Variants in TEX52 observed in about 807,000 individuals in gnomAD.
TEX52 encodes testis-expressed protein 52.
A neutral mutation model predicts 17.6 loss-of-function variants in TEX52; 22 were observed. That is an observed-to-expected ratio of 1.25 (90% CI 0.89 to 1.78). The LOEUF (loss-of-function observed/expected upper bound fraction) is 1.78. TEX52 is among the 40% of genes most tolerant of loss of function. The pLI is 0.00. For synonymous variants in TEX52, 168 were observed against 147.4 expected (o/e 1.14, Z -1.01); for missense variants, 396 against 372.3 (o/e 1.06, Z -0.52).
downstream of TEX52, chr12:2,849,013 A>G: frequency 1.8e-6 from 1 of 567,700 alleles, no homozygotes; most frequent in Non-Finnish European, 3.0e-6. Context: ...CTTCGATGAG[A>G]GTCCTCCAAG....
chr12:2,855,254 C>T lies in TEX52; in HGVS notation c.265G>A (p.Ala89Thr), dbSNP rs776419015. 21 of 1,508,846 alleles carry T rather than the reference C, an allele frequency of 1.4e-5. No homozygotes were observed. The South Asian group carries it at 1.7e-4, about 12-fold the overall frequency. The allele number at this position is 1,508,846 out of a possible 1,614,324, so 93.5% of individuals were successfully genotyped here. ...QRLIHPWKGG[A>T]QHTWGFHTWL... ...GTGTGAAAGCCCCAGGTGTGCTGGG[C>T]GCCACCCTTCCAAGGGTGGATGAGC... Residue 89 changes from alanine (A) to threonine (T), a missense_variant, in exon 2 of 3, where the codon GCC becomes ACC. Ala to Thr is a moderately conservative substitution (Grantham distance 58). Transcript: ENST00000637658.
chr12:2,848,469 T>C (rs115129967), downstream of TEX52, among the ~76,000 whole-genome samples: 670 of 152,358 alleles, frequency 4.4e-3, 8 homozygotes, highest in African/African-American at 0.014. Flanking sequence ...GACTGCTCTT[T>C]TGGCATAAGT....
Position 2,857,008 on chromosome 12 carries a change from T to G in TEX52, c.19A>C (p.Arg7=), listed in dbSNP as rs761232358. 1 of 703,008 alleles carries G rather than the reference T, an allele frequency of 1.4e-6. No homozygotes were observed. The highest frequency in any genetic ancestry group is 1.5e-5 in the South Asian group (1 of 67,600). 43.5% of individuals were successfully genotyped at this position (703,008 alleles called of 1,614,324 possible). Residue 7 remains arginine, a synonymous_variant, in exon 1 of 3, where the codon AGA becomes CGA. Transcript: ENST00000637658. MASNRQ[R]SLRGPSHPSH... ...GGGTGACTGGGCCCTCTGAGTGATC[T>G]TTGCCGGTTACTGGCCATTCTTCTG...
At chr12:2,854,007 G>A (rs754055660) in intron 2 of TEX52, among the ~76,000 whole-genome samples, 1 of 152,208 alleles carries the variant, frequency 6.6e-6, no homozygotes, top group Non-Finnish European at 1.5e-5. Context: ...TTTCTGTAAC[G>A]ACATCTAACT....
intron 2 of TEX52, among the ~76,000 whole-genome samples, chr12:2,849,769 C>T (rs1356908557): frequency 6.6e-6 from 1 of 152,178 alleles, no homozygotes; most frequent in African/African-American, 2.4e-5. Context: ...AGCCTTCCAT[C>T]CTTTTGACAT....
chr12:2,856,761 T>C (rs1171444968), intron 1 of TEX52, among the ~76,000 whole-genome samples, 194 bp downstream of exon 1: 1 of 152,184 alleles, frequency 6.6e-6, no homozygotes, highest in Non-Finnish European at 1.5e-5. Flanking sequence ...CTGGGAGATG[T>C]GGCACTAGCC....
chr12:2,856,815 A>G (rs2098088818), intron 1 of TEX52, 140 bp downstream of exon 1: 1 of 635,914 alleles, frequency 1.6e-6, no homozygotes, highest in African/African-American at 1.8e-5. Flanking sequence ...CTAGTGTCAT[A>G]GGATGAAAAG....
intron 2 of TEX52, among the ~76,000 whole-genome samples, chr12:2,850,078 C>T (rs1404542856): frequency 6.6e-6 from 1 of 152,158 alleles, no homozygotes; most frequent in Non-Finnish European, 1.5e-5. Flanking sequence ...CCTGGCTGCA[C>T]ATTACAATCA....
intron 2 of TEX52, among the ~76,000 whole-genome samples, chr12:2,853,083 G>C (rs961842230): frequency 6.6e-6 from 1 of 152,074 alleles, no homozygotes; most frequent in Non-Finnish European, 1.5e-5. Context: ...ATACAGAGAA[G>C]TGTTTGGCAG....
chr12:2,849,955 T>C (rs969081449), intron 2 of TEX52, among the ~76,000 whole-genome samples: 3 of 152,206 alleles, frequency 2.0e-5, no homozygotes, highest in African/African-American at 7.2e-5. Context: ...CAGACTTTTG[T>C]TTCTTTTAAC....
chr12:2,856,817 G>A, intron 1 of TEX52, 138 bp downstream of exon 1: 2 of 639,740 alleles, frequency 3.1e-6, no homozygotes, highest in East Asian at 5.4e-5. Context: ...AGTGTCATAG[G>A]ATGAAAAGGG....
rs976016962 is a variant in TEX52 at position 2,849,162 on chromosome 12, A to G, written c.*69T>C. The G allele has an allele frequency of 9.0e-6, 13 of 1,442,370 alleles. No homozygotes were observed. Among genetic ancestry groups the G allele is most frequent in the African/African-American group, 5.7e-5 (4 of 70,064 alleles). The allele number at this position is 1,442,370 out of a possible 1,614,324, so 89.3% of individuals were successfully genotyped here. A position where few individuals can be genotyped will look rare whatever the true frequency, so the allele number is the denominator to read the frequency against. The stretch of plus-strand genomic sequence containing the variant: ...TTGCTACCCCAGGGCCTCTTGCTGA[A>G]GGAGCATTGATTGAGAACACTGGAG... On this transcript the variant is annotated 3_prime_UTR_variant, in exon 3 of 3. Coordinates refer to ENST00000637658, the MANE Select transcript of TEX52 (RefSeq NM_001365174.2).
intron 2 of TEX52, among the ~76,000 whole-genome samples, chr12:2,852,258 C>G (rs1160201417): frequency 1.3e-5 from 2 of 152,194 alleles, no homozygotes; most frequent in African/African-American, 4.8e-5. Context: ...ATCCTACTGT[C>G]ATGGAGATAC....
chr12:2,849,590 A>G, intron 2 of TEX52, 65 bp from the exon 3 acceptor site: 2 of 1,515,806 alleles, frequency 1.3e-6, no homozygotes, highest in Middle Eastern at 3.9e-4. Flanking sequence ...CAGTGGAGAG[A>G]CGGGGAAGGG....
chr12:2,856,435 G>A (rs1198530762), intron 1 of TEX52, among the ~76,000 whole-genome samples: 6 of 152,102 alleles, frequency 3.9e-5, no homozygotes, highest in African/African-American at 7.2e-5. Flanking sequence ...GTGCAATCTC[G>A]GCTCACTGCA....
downstream of TEX52, among the ~76,000 whole-genome samples, chr12:2,848,877 G>GCACACACACACA (rs3056877): frequency 1.3e-3 from 186 of 140,370 alleles, no homozygotes; most frequent in African/African-American, 2.0e-3. Flanking sequence ...ACACACACAC[G>GCACACACACACA]CACACACACA....
At chr12:2,848,197 AAAG>A (rs959634871), downstream of TEX52, among the ~76,000 whole-genome samples, 3 of 152,190 alleles carry the variant, frequency 2.0e-5, no homozygotes, top group African/African-American at 7.2e-5. Flanking sequence ...AAATGGAGAC[AAAG>A]AAGGCCGTGG....
downstream of TEX52, among the ~76,000 whole-genome samples, chr12:2,848,399 A>G (rs1052424956): frequency 2.6e-5 from 4 of 152,088 alleles, no homozygotes; most frequent in Non-Finnish European, 5.9e-5. Context: ...GCCTGCCTCT[A>G]CTTTACCCCT....
chr12:2,850,628 C>G (rs1038087695), intron 2 of TEX52, among the ~76,000 whole-genome samples: 1 of 152,014 alleles, frequency 6.6e-6, no homozygotes. Context: ...CTTCAGTGTG[C>G]TCACTGACTG....
Sources: allele counts gnomAD v4.1 joint callset (sites outside exome capture counted in the v4.1 genomes callset), GRCh38; gene constraint gnomAD v4.1.1; transcripts MANE v1.5; gene names NCBI Gene and HGNC (gene_info 2026-07-23, HGNC 2026-07-21).